TMEM217: variants seen among roughly 807,000 people sequenced by gnomAD.
TMEM217 encodes chromosome 6 open reading frame 128.
For synonymous variants in TMEM217, 76 were observed against 88.3 expected (o/e 0.86, Z 0.78); for missense variants, 204 against 248.8 (o/e 0.82, Z 1.21).
At chr6:37,222,625 G>C (rs1763594419) in intron 1 of TMEM217, among the ~76,000 whole-genome samples, 1 of 152,252 alleles carries the variant, frequency 6.6e-6, no homozygotes, top group Non-Finnish European at 1.5e-5. Context: ...GCACCTGGGA[G>C]GGCAGATCCT....
At chr6:37,236,139 T>A (rs967632044) in intron 1 of TMEM217, among the ~76,000 whole-genome samples, 4 of 152,230 alleles carry the variant, frequency 2.6e-5, no homozygotes, top group Non-Finnish European at 4.4e-5. Context: ...GTGTTTATTT[T>A]ATTTTTAATT....
chr6:37,252,819 T>A (rs1765520314), intron 1 of TMEM217, among the ~76,000 whole-genome samples: 2 of 151,576 alleles, frequency 1.3e-5, no homozygotes, highest in Non-Finnish European at 2.9e-5. Context: ...TTTGTATTTT[T>A]GATAGAGATG....
downstream of TMEM217, chr6:37,215,052 A>G: frequency 1.0e-6 from 1 of 979,904 alleles, no homozygotes. Context: ...ATGTCTGTAT[A>G]AAGCCCACTG....
intron 1 of TMEM217, among the ~76,000 whole-genome samples, chr6:37,247,389 CTT>C (rs11323017): frequency 5.7e-3 from 722 of 127,736 alleles, no homozygotes; most frequent in African/African-American, 8.7e-3. Context: ...AACTTTTTTA[CTT>C]TTTTTTTTTT....
chr6:37,240,686 T>G (rs192424758), intron 1 of TMEM217, among the ~76,000 whole-genome samples: 1 of 152,294 alleles, frequency 6.6e-6, no homozygotes, highest in East Asian at 1.9e-4. Flanking sequence ...GGCTATCACA[T>G]CTCTATGTAT....
At chr6:37,236,197 G>T (rs1037571053) in intron 1 of TMEM217, among the ~76,000 whole-genome samples, 6 of 152,074 alleles carry the variant, frequency 3.9e-5, no homozygotes, top group Non-Finnish European at 5.9e-5. Flanking sequence ...ATGTTGCCCA[G>T]GCTGGTCTTG....
chr6:37,212,707 A>G (rs1762977337), downstream of TMEM217: 3 of 642,240 alleles, frequency 4.7e-6, no homozygotes, highest in Non-Finnish European at 8.7e-6. Context: ...CATGGCATAG[A>G]TCAGCAGCCC....
At chr6:37,255,389 G>A (rs1414866847) in intron 1 of TMEM217, among the ~76,000 whole-genome samples, 1 of 152,074 alleles carries the variant, frequency 6.6e-6, no homozygotes, top group Non-Finnish European at 1.5e-5. Flanking sequence ...CATTTTAACA[G>A]GGTGTCTCTG....
At chr6:37,214,722 T>C (rs1334271532), downstream of TMEM217, among the ~76,000 whole-genome samples, 1 of 152,210 alleles carries the variant, frequency 6.6e-6, no homozygotes, top group Non-Finnish European at 1.5e-5. Flanking sequence ...CTTAGCATAA[T>C]GTTTTCCAGA....
downstream of TMEM217, among the ~76,000 whole-genome samples, chr6:37,213,736 G>T (rs577989363): frequency 4.8e-4 from 73 of 152,378 alleles, no homozygotes; most frequent in Admixed American, 1.6e-3. Context: ...AGGGCATGTT[G>T]ATAATGGGGG....
intron 1 of TMEM217, among the ~76,000 whole-genome samples, chr6:37,254,936 G>A (rs910033616): frequency 6.6e-6 from 1 of 152,174 alleles, no homozygotes; most frequent in African/African-American, 2.4e-5. Context: ...TAAGGAGTGC[G>A]CAATGCAACC....
downstream of TMEM217, among the ~76,000 whole-genome samples, chr6:37,213,835 C>G (rs1484664317): frequency 2.6e-5 from 4 of 152,228 alleles, no homozygotes; most frequent in African/African-American, 9.6e-5. Context: ...TCAGAGGACT[C>G]CTGAGCAAAC....
downstream of TMEM217, among the ~76,000 whole-genome samples, chr6:37,214,718 A>G (rs970067362): frequency 6.6e-6 from 1 of 152,212 alleles, no homozygotes; most frequent in Non-Finnish European, 1.5e-5. Flanking sequence ...TTCACTTAGC[A>G]TAATGTTTTC....
downstream of TMEM217, chr6:37,213,044 C>A (rs1249421423): frequency 2.3e-6 from 3 of 1,296,846 alleles, no homozygotes; most frequent in African/African-American, 3.0e-5. Context: ...GCAGAGGTAG[C>A]CTTAGACAAA....
chr6:37,255,683 CAAA>C (rs56891432), intron 1 of TMEM217, among the ~76,000 whole-genome samples: 3 of 102,424 alleles, frequency 2.9e-5, no homozygotes. Context: ...GACCTGGTCT[CAAA>C]AAAAAAAAAA....
intron 1 of TMEM217, among the ~76,000 whole-genome samples, chr6:37,243,271 C>T (rs569145138): frequency 1.3e-5 from 2 of 152,226 alleles, no homozygotes; most frequent in Admixed American, 6.5e-5. Flanking sequence ...GTTATAAATT[C>T]GGTTGGCCAG....
At chr6:37,231,116 G>C (rs1433954656) in intron 1 of TMEM217, among the ~76,000 whole-genome samples, 1 of 151,744 alleles carries the variant, frequency 6.6e-6, no homozygotes, top group Non-Finnish European at 1.5e-5. Flanking sequence ...CTGGAGTGCA[G>C]GCGCATGATC....
downstream of TMEM217, among the ~76,000 whole-genome samples, chr6:37,213,483 C>T (rs777971397): frequency 6.6e-6 from 1 of 152,394 alleles, no homozygotes; most frequent in Admixed American, 6.5e-5. Context: ...CCCTGATTTG[C>T]TCCCTGGGCA....
At chr6:37,223,036 ATTAG>A (rs1763630658) in intron 1 of TMEM217, among the ~76,000 whole-genome samples, 1 of 152,260 alleles carries the variant, frequency 6.6e-6, no homozygotes. Context: ...TTAAGGAATA[ATTAG>A]TTAACCAGGA....
Sources: gnomAD v4.1 joint callset for allele counts (sites outside exome capture counted in the v4.1 genomes callset) on GRCh38, gnomAD v4.1.1 for gene constraint, MANE v1.5 for transcripts, NCBI Gene and HGNC (gene_info 2026-07-23, HGNC 2026-07-21) for gene names.